Variants in ZFP91 observed in about 807,000 individuals in gnomAD.
ZFP91 encodes the protein E3 ubiquitin-protein ligase ZFP91.
In ZFP91, 7 loss-of-function variants were observed where a neutral mutation model predicts 63.5. The observed-to-expected ratio is 0.11, with a 90% CI of 0.06 to 0.21. ZFP91 has a LOEUF of 0.21. ZFP91 is among the 10% of genes least tolerant of loss of function. The pLI, the probability that ZFP91 is intolerant of heterozygous loss-of-function variation, is 1.00. For synonymous variants in ZFP91, 330 were observed against 272.1 expected (o/e 1.21, Z -2.10); for missense variants, 628 against 736.6 (o/e 0.85, Z 1.71).
intron 9 of ZFP91, among the ~76,000 whole-genome samples, chr11:58,616,130 G>GGT (rs1855744846): frequency 6.6e-6 from 1 of 152,178 alleles, no homozygotes; most frequent in African/African-American, 2.4e-5. Flanking sequence ...AGGAGAATAA[G>GGT]GTAAAGTAGT....
At chr11:58,591,237 CTT>C (rs1219941195) in intron 2 of ZFP91, among the ~76,000 whole-genome samples, 2 of 152,312 alleles carry the variant, frequency 1.3e-5, no homozygotes, top group East Asian at 1.9e-4. Context: ...AGTAGGCACT[CTT>C]TTGTGTCTCG....
chr11:58,608,685 A>G (rs1456430379), intron 2 of ZFP91, among the ~76,000 whole-genome samples: 1 of 151,860 alleles, frequency 6.6e-6, no homozygotes. Context: ...GCTCACTGCA[A>G]CCTCCACCTC....
Position 58,611,028 on chromosome 11 carries a change from T to C in ZFP91, c.696T>C (p.Asp232=). Residue 232 remains aspartate, a synonymous_variant, in exon 5 of 11, where the codon GAT becomes GAC. Coordinates refer to ENST00000316059, the MANE Select transcript of ZFP91 (RefSeq NM_053023.5). The part of the protein sequence containing the change: ...EEIPFKDDPR[D]ETYKPHLERE... ...TACCATTCAAAGATGATCCAAGAGATGAGACCTACAAACCCCACTTAGAAA... is the reference window on the plus strand; with the variant it reads ...TACCATTCAAAGATGATCCAAGAGACGAGACCTACAAACCCCACTTAGAAA... 1 of 1,613,374 alleles carries C rather than the reference T, an allele frequency of 6.2e-7. No homozygotes were observed. The highest frequency in any genetic ancestry group is 2.2e-5 in the East Asian group (1 of 44,778).
In ZFP91 at chr11:58,617,405, C is replaced by A. The variant is rs780991300; in HGVS notation, c.1412C>A (p.Thr471Asn). The A allele has an allele frequency of 6.2e-7, 1 of 1,613,662 alleles. No homozygotes were observed. The highest frequency in any genetic ancestry group is 1.7e-5 in the Admixed American group (1 of 59,942). Residue 471 changes from threonine (T) to asparagine (N), a missense_variant, in exon 11 of 11, where the codon ACC becomes AAC. This residue lies in a region of ZFP91 where 115 missense variants were observed against 125.4 expected (regional missense o/e 0.92). Transcript: ENST00000316059. This position sits in a 1 kb window ranked among gnomAD's most constrained non-coding sequence, Gnocchi z 4.2. ...GCTGCCAATGCAGGCGCCCTCATCA[C>A]CAGCACAGATATCTTGGGCACTAAC... ...ALAANAGALI[T>N]STDILGTNPE... is the part of the protein sequence containing the mutation.
chr11:58,598,044 A>G (rs1304148158), intron 2 of ZFP91, among the ~76,000 whole-genome samples: 1 of 152,138 alleles, frequency 6.6e-6, no homozygotes, highest in Non-Finnish European at 1.5e-5. Context: ...TCCTCATGAC[A>G]TTTTAAGCAG....
intron 2 of ZFP91, among the ~76,000 whole-genome samples, chr11:58,590,910 T>G (rs1046302615): frequency 2.0e-5 from 3 of 148,676 alleles, no homozygotes; most frequent in African/African-American, 7.5e-5. Context: ...ATTTCTGGGT[T>G]TTTTTTTTTT....
At chr11:58,610,894 C>T (rs979249548) in intron 4 of ZFP91, 56 bp from the exon 5 acceptor site, 3 of 1,496,468 alleles carry the variant, frequency 2.0e-6, no homozygotes, top group South Asian at 1.2e-5. Context: ...AAATAAAATC[C>T]CCTCAGACAT....
At position 58,579,547 on chromosome 11, in the gene ZFP91, C is replaced by T. The variant is rs1226725977; in HGVS notation, c.266C>T (p.Pro89Leu). Residue 89 changes from proline to leucine, a missense_variant, in exon 1 of 11, where the codon CCC (proline) becomes CTC (leucine). Pro to Leu is a moderately conservative substitution (Grantham distance 98). Transcript: ENST00000316059. ...AGGAGCAGCCCCAGCGCCAGGCCTC[C>T]CGACGTCCCCGGGCAGCAGCCCCAG... ...RRRSSPSARP[P>L]DVPGQQPQAA... 1.3e-6 allele frequency: 2 copies of T among 1,582,648 alleles called. No individual in the cohort carries two copies. The highest frequency in any genetic ancestry group is 3.5e-5 in the Admixed American group (2 of 56,958).
chr11:58,608,914 A>G (rs1411149359), intron 2 of ZFP91, among the ~76,000 whole-genome samples: 2 of 151,742 alleles, frequency 1.3e-5, no homozygotes, highest in African/African-American at 2.4e-5. Flanking sequence ...GTTAGTTCCT[A>G]TTTTTCTATT....
chr11:58,620,119 T>C lies in ZFP91; in HGVS notation c.*2413T>C, dbSNP rs1855823329. 6.6e-6 allele frequency: 1 copy of C among 152,214 alleles called. No individual in the cohort carries two copies. Among genetic ancestry groups the C allele is most frequent in the Admixed American group, 6.5e-5 (1 of 15,274 alleles). The allele number at this position is 152,214 out of a possible 1,614,324, so 9.4% of individuals were successfully genotyped here. A position where few individuals can be genotyped will look rare whatever the true frequency, so the allele number is the denominator to read the frequency against. ...TACTAATTAGAAACTTGCTGTACTT[T>C]TTCTTTTCTTTTAGGGGTCAAGGAC... On this transcript the variant is annotated 3_prime_UTR_variant, in exon 11 of 11. Transcript: ENST00000316059.
chr11:58,600,927 C>A (rs1184951757), intron 2 of ZFP91, among the ~76,000 whole-genome samples: 1 of 151,766 alleles, frequency 6.6e-6, no homozygotes, highest in Non-Finnish European at 1.5e-5. Flanking sequence ...GTGTTTTTTC[C>A]TCTCTTTATT....
At chr11:58,582,295 T>C (rs935663627) in intron 1 of ZFP91, among the ~76,000 whole-genome samples, 1 of 152,252 alleles carries the variant, frequency 6.6e-6, no homozygotes, top group Admixed American at 6.5e-5. Context: ...AATTTAATCC[T>C]TTAAGATATT....
At chr11:58,587,520 A>G (rs1252571256) in intron 2 of ZFP91, among the ~76,000 whole-genome samples, 2 of 152,216 alleles carry the variant, frequency 1.3e-5, no homozygotes, top group Non-Finnish European at 2.9e-5. Flanking sequence ...TTCAAACTTG[A>G]AAGCTTAGTT....
At chr11:58,585,073 C>T (rs1378719131) in intron 2 of ZFP91, among the ~76,000 whole-genome samples, 189 bp downstream of exon 2, 1 of 152,036 alleles carries the variant, frequency 6.6e-6, no homozygotes, top group Admixed American at 6.6e-5. Flanking sequence ...TATTTAGAAA[C>T]CTAATAAAGG....
chr11:58,581,478 G>A (rs530257902), intron 1 of ZFP91, among the ~76,000 whole-genome samples: 1 of 152,040 alleles, frequency 6.6e-6, no homozygotes, highest in African/African-American at 2.4e-5. Flanking sequence ...CTCCTGCCTC[G>A]TCATCCCAAG....
At chr11:58,610,065 T>C (rs752490489) in intron 3 of ZFP91, 26 bp downstream of exon 3, 1 of 1,607,000 alleles carries the variant, frequency 6.2e-7, no homozygotes. Flanking sequence ...AATATGGCTG[T>C]TTACTAACTA....
At position 58,593,454 on chromosome 11, in the gene ZFP91, A is replaced by G. The variant is rs966256586; in HGVS notation, c.370+8570A>G. 3.9e-5 allele frequency among the ~76,000 whole-genome samples: 6 copies of G among 152,322 alleles called. No homozygotes were observed. In the East Asian group the frequency reaches 1.2e-3, roughly 29 times the overall value. ...TGTCTTTCATGCCCCAGAAAAAGTG[A>G]TATGAACAGAACAAGATTGTACTGT... On this transcript the variant is annotated intron_variant, in intron 2 of 10. Coordinates refer to ENST00000316059, the MANE Select transcript of ZFP91 (RefSeq NM_053023.5).
At chr11:58,611,829 A>G in intron 6 of ZFP91, 91 bp downstream of exon 6, 1 of 1,403,664 alleles carries the variant, frequency 7.1e-7, no homozygotes, top group Non-Finnish European at 9.4e-7. Flanking sequence ...ATGTTGACGT[A>G]TACATGCTTC....
chr11:58,612,873 G>A, intron 8 of ZFP91, 33 bp downstream of exon 8: 3 of 1,575,294 alleles, frequency 1.9e-6, no homozygotes, highest in South Asian at 2.3e-5. Context: ...AGCCTTTCAG[G>A]TTGTGTTCCA....
Sources: gnomAD v4.1 joint callset for allele counts (sites outside exome capture counted in the v4.1 genomes callset) on GRCh38, gnomAD v4.1.1 for gene constraint, gnomAD v4.1.1 regional missense constraint, Gnocchi (gnomAD v3.1) non-coding constraint, MANE v1.5 for transcripts, NCBI Gene and HGNC (gene_info 2026-07-23, HGNC 2026-07-21) for gene names.